The following TAFA2 variants were observed in gnomAD, a reference collection of about 807,000 sequenced individuals.
TAFA2 encodes the protein TAFA chemokine like family member 2.
TAFA2 carries 7 observed loss-of-function variants against 18.8 expected under a neutral mutation model. The observed-to-expected ratio is 0.37, with a 90% confidence interval of 0.21 to 0.70. The LOEUF is 0.70. Among genes scored for constraint, TAFA2 ranks in the 30% least tolerant of loss-of-function variants. The pLI, the probability that TAFA2 is intolerant of heterozygous loss-of-function variation, is 0.53. For synonymous variants in TAFA2, 60 were observed against 54.2 expected, an observed-to-expected ratio of 1.11 and a Z score of -0.47; for missense variants, 122 against 158.1, an observed-to-expected ratio of 0.77 and a Z score of 1.23.
At chr12:61,926,627 C>T (rs34010892) in intron 1 of TAFA2, among the ~76,000 whole-genome samples, 13,261 of 152,106 alleles carry the variant, frequency 0.087, 645 homozygotes, top group East Asian at 0.22. Flanking sequence ...GCAGAAAAGG[C>T]CTTCGATAAA....
At chr12:61,913,967 A>G (rs879927716) in intron 1 of TAFA2, among the ~76,000 whole-genome samples, 5 of 152,184 alleles carry the variant, frequency 3.3e-5, no homozygotes, top group Non-Finnish European at 5.9e-5. Context: ...ATTTTTGGAA[A>G]CGGTTTTGTG....
At chr12:62,021,523 G>A (rs958752933) in intron 1 of TAFA2, 1 of 553,788 alleles carries the variant, frequency 1.8e-6, no homozygotes, top group South Asian at 1.5e-5. Flanking sequence ...GATCTTTACA[G>A]AACAACATCC....
At chr12:62,041,773 T>C (rs990226517) in intron 1 of TAFA2, among the ~76,000 whole-genome samples, 4 of 152,186 alleles carry the variant, frequency 2.6e-5, no homozygotes, top group African/African-American at 9.6e-5. Flanking sequence ...CATCATGTTT[T>C]TGTGCTATGC....
At chr12:62,039,817 C>T (rs191953410) in intron 1 of TAFA2, among the ~76,000 whole-genome samples, 122 of 152,250 alleles carry the variant, frequency 8.0e-4, no homozygotes, top group African/African-American at 2.7e-3. Context: ...AGCATGCATA[C>T]GATTCACCTG....
chr12:61,960,406 T>A (rs1163160333), intron 1 of TAFA2, among the ~76,000 whole-genome samples: 1 of 151,980 alleles, frequency 6.6e-6, no homozygotes, highest in Non-Finnish European at 1.5e-5. Flanking sequence ...ATGCCCAATA[T>A]CTAACACTGC....
At chr12:61,978,662 G>A (rs1030811433) in intron 1 of TAFA2, among the ~76,000 whole-genome samples, 3 of 151,928 alleles carry the variant, frequency 2.0e-5, no homozygotes, top group Admixed American at 2.0e-4. Flanking sequence ...GAATCCATCT[G>A]GATAAAATGT....
intron 1 of TAFA2, among the ~76,000 whole-genome samples, chr12:62,249,629 A>C (rs1204193662): frequency 6.6e-6 from 1 of 152,162 alleles, no homozygotes; most frequent in African/African-American, 2.4e-5. Flanking sequence ...GTAGTCAGCA[A>C]GATTCAGAGC....
At chr12:61,960,772 C>T (rs886572878) in intron 1 of TAFA2, among the ~76,000 whole-genome samples, 5 of 62,432 alleles carry the variant, frequency 8.0e-5, no homozygotes, top group Non-Finnish European at 1.9e-4. Flanking sequence ...TGTCCTATTT[C>T]ACCAAAAAAA....
intron 1 of TAFA2, among the ~76,000 whole-genome samples, chr12:62,247,762 G>T (rs1313954123): frequency 1.3e-5 from 2 of 152,200 alleles, no homozygotes; most frequent in Non-Finnish European, 2.9e-5. Context: ...TTACCTTGCA[G>T]ATTCCCAAAG....
At chr12:61,719,113 C>T (rs1027055055) in intron 4 of TAFA2, among the ~76,000 whole-genome samples, 2 of 152,102 alleles carry the variant, frequency 1.3e-5, no homozygotes, top group Non-Finnish European at 2.9e-5. Context: ...TAGCCAAACC[C>T]TATCTTGCCT....
At chr12:61,925,850 C>G (rs1038022786) in intron 1 of TAFA2, among the ~76,000 whole-genome samples, 1 of 152,136 alleles carries the variant, frequency 6.6e-6, no homozygotes, top group African/African-American at 2.4e-5. Context: ...TAACTAAGAT[C>G]AGAGCAGAAC....
rs78217744 is a variant in TAFA2 at position 61,969,544 on chromosome 12, C to T, written c.-1-102118G>A. Among the ~76,000 whole-genome samples, 825 of 151,714 alleles carry T rather than the reference C, an allele frequency of 5.4e-3. 14 individuals are homozygous for T. The highest frequency in any genetic ancestry group is 0.019 in the African/African-American group (804 of 41,464). On this transcript the variant is annotated intron_variant, in intron 1 of 4. Transcript: ENST00000416284. ...TTCCTCATTGTGTAAGAGGGCAATGCATAAGAGGTACACATCCATTAAATA... is the reference window on the plus strand; with the variant it reads ...TTCCTCATTGTGTAAGAGGGCAATGTATAAGAGGTACACATCCATTAAATA...
At chr12:62,090,267 C>T (rs1868653560) in intron 1 of TAFA2, among the ~76,000 whole-genome samples, 1 of 152,024 alleles carries the variant, frequency 6.6e-6, no homozygotes, top group South Asian at 2.1e-4. Flanking sequence ...ATTGAAAAAG[C>T]TTTTCCTATA....
intron 1 of TAFA2, among the ~76,000 whole-genome samples, chr12:61,964,841 G>A (rs548714261): frequency 3.6e-4 from 55 of 151,830 alleles, no homozygotes; most frequent in African/African-American, 1.3e-3. Flanking sequence ...CTTCCTATGT[G>A]AAGCCTTTTC....
chr12:61,907,101 C>G (rs1405281736), intron 1 of TAFA2, among the ~76,000 whole-genome samples: 1 of 152,224 alleles, frequency 6.6e-6, no homozygotes. Context: ...AAGAAAAACC[C>G]ATTTTCTGTG....
At chr12:61,975,202 A>C (rs2136669733) in intron 1 of TAFA2, among the ~76,000 whole-genome samples, 1 of 151,864 alleles carries the variant, frequency 6.6e-6, no homozygotes, top group East Asian at 1.9e-4. Context: ...CAATATTATT[A>C]ATATGTAGTC....
chr12:62,018,521 G>A lies in TAFA2; in HGVS notation c.-1-151095C>T, dbSNP rs190793528. Among the ~76,000 whole-genome samples, 17 of 151,954 alleles carry A rather than the reference G, an allele frequency of 1.1e-4. No individual in the cohort carries two copies. In the East Asian group the frequency reaches 1.9e-3, roughly 17 times the overall value. ...AGAAATATCTACAACTATCTGCCAC[G>A]TATCTACAACTATCTGATCTTTGAC... On this transcript the variant is annotated intron_variant, in intron 1 of 4. Transcript: ENST00000416284.
intron 1 of TAFA2, among the ~76,000 whole-genome samples, chr12:62,244,989 T>C (rs1400093002): frequency 1.3e-5 from 2 of 152,154 alleles, no homozygotes; most frequent in Non-Finnish European, 2.9e-5. Flanking sequence ...TCTTTAATGA[T>C]ATCTTACATT....
At chr12:61,906,143 C>T (rs1198786345) in intron 1 of TAFA2, among the ~76,000 whole-genome samples, 2 of 152,174 alleles carry the variant, frequency 1.3e-5, no homozygotes, top group Admixed American at 6.5e-5. Flanking sequence ...GCCCACCACA[C>T]TGCAGAATAT....
Sources: allele counts gnomAD v4.1 joint callset (sites outside exome capture counted in the v4.1 genomes callset), GRCh38; gene constraint gnomAD v4.1.1; transcripts MANE v1.5; gene names NCBI Gene and HGNC (gene_info 2026-07-23, HGNC 2026-07-21).